The following SLC30A8 variants were observed in gnomAD, a reference collection of about 807,000 sequenced individuals.
SLC30A8 encodes solute carrier family 30 member 8.
In SLC30A8, 27 loss-of-function variants were observed where a neutral mutation model predicts 36.9. The observed-to-expected ratio is 0.73, with a 90% confidence interval of 0.54 to 1.01. SLC30A8 has a LOEUF of 1.01. Among genes scored for constraint, SLC30A8 ranks in the 50% least tolerant of loss-of-function variants. The probability of loss-of-function intolerance (pLI) is 0.00; values close to 1 mark genes in which losing one functional copy is unlikely to be tolerated. For synonymous variants in SLC30A8, 164 were observed against 172.4 expected (o/e 0.95, Z 0.38); for missense variants, 439 against 452.0 (o/e 0.97, Z 0.26).
At chr8:117,061,304 C>T (rs1414462586) in intron 2 of SLC30A8, among the ~76,000 whole-genome samples, 1 of 152,220 alleles carries the variant, frequency 6.6e-6, no homozygotes, top group Non-Finnish European at 1.5e-5. Flanking sequence ...CACACATACA[C>T]AGTGCATGTG....
chr8:117,111,347 T>A (rs1046056049), intron 2 of SLC30A8, among the ~76,000 whole-genome samples: 1 of 152,178 alleles, frequency 6.6e-6, no homozygotes, highest in Non-Finnish European at 1.5e-5. Flanking sequence ...GTTATCAGAA[T>A]TCAAACAAAA....
At chr8:117,135,434 T>C in intron 1 of SLC30A8, 36 bp downstream of exon 1, 2 of 1,515,876 alleles carry the variant, frequency 1.3e-6, no homozygotes, top group Non-Finnish European at 1.8e-6. Context: ...CAATTTTCTC[T>C]GTTGAATATC....
At chr8:117,157,510 A>G (rs1822556763) in intron 3 of SLC30A8, among the ~76,000 whole-genome samples, 181 bp from the exon 4 acceptor site, 1 of 152,342 alleles carries the variant, frequency 6.6e-6, no homozygotes, top group African/African-American at 2.4e-5. Context: ...TATGAATGCA[A>G]CATTAAAATA....
chr8:117,001,204 CTTTTTTTTTTTTT>C (rs34639384), intron 1 of SLC30A8, among the ~76,000 whole-genome samples: 23 of 78,316 alleles, frequency 2.9e-4, no homozygotes, highest in Non-Finnish European at 1.9e-4. Flanking sequence ...TTGCTAGGGG[CTTTTTTTTTTTTT>C]TTTTTTTTTG....
chr8:116,996,172 A>G (rs1815807511), intron 1 of SLC30A8, among the ~76,000 whole-genome samples: 1 of 152,166 alleles, frequency 6.6e-6, no homozygotes, highest in Non-Finnish European at 1.5e-5. Flanking sequence ...GGATTGTTCA[A>G]GTATTTTTAT....
chr8:116,969,786 AAAT>A (rs1814729858), intron 1 of SLC30A8, among the ~76,000 whole-genome samples: 1 of 152,188 alleles, frequency 6.6e-6, no homozygotes, highest in Non-Finnish European at 1.5e-5. Flanking sequence ...AAAAGATAAA[AAAT>A]GATATACCTG....
At chr8:117,105,234 C>T (rs1449899017) in intron 2 of SLC30A8, among the ~76,000 whole-genome samples, 1 of 152,108 alleles carries the variant, frequency 6.6e-6, no homozygotes, top group Non-Finnish European at 1.5e-5. Context: ...GGTTCAAACG[C>T]CTCTGACATT....
At chr8:117,170,555 T>G (rs2129763702) in intron 6 of SLC30A8, among the ~76,000 whole-genome samples, 1 of 152,328 alleles carries the variant, frequency 6.6e-6, no homozygotes, top group South Asian at 2.1e-4. Flanking sequence ...ATTTTCTGAA[T>G]TGCTCCTCAA....
intron 2 of SLC30A8, among the ~76,000 whole-genome samples, chr8:117,057,220 A>G (rs1390902713): frequency 6.6e-6 from 1 of 152,182 alleles, no homozygotes; most frequent in African/African-American, 2.4e-5. Context: ...CCCTGAGACC[A>G]TTTAAAAATA....
intron 1 of SLC30A8, among the ~76,000 whole-genome samples, chr8:117,004,604 T>C (rs2047963): frequency 0.45 from 67,918 of 151,932 alleles, 15,377 homozygotes; most frequent in Admixed American, 0.53. Context: ...GTCTACTTCA[T>C]GGTATTTCAT....
chr8:117,064,144 A>G (rs1467144234), intron 2 of SLC30A8, among the ~76,000 whole-genome samples: 2 of 152,098 alleles, frequency 1.3e-5, no homozygotes, highest in Admixed American at 6.5e-5. Context: ...GGTGCCTGCC[A>G]TCATGCCTGG....
chr8:117,078,013 G>T (rs560138052), intron 2 of SLC30A8, among the ~76,000 whole-genome samples: 1 of 152,254 alleles, frequency 6.6e-6, no homozygotes, highest in East Asian at 1.9e-4. Flanking sequence ...GAAGATTTAA[G>T]TCTGAATTTT....
At chr8:117,138,188 A>G (rs1214826012) in intron 1 of SLC30A8, among the ~76,000 whole-genome samples, 3 of 151,806 alleles carry the variant, frequency 2.0e-5, no homozygotes, top group South Asian at 2.1e-4. Flanking sequence ...TCCCCAAGCC[A>G]TATGTTGAAG....
chr8:116,990,337 A>C (rs4132473), intron 1 of SLC30A8, among the ~76,000 whole-genome samples: 54,191 of 151,968 alleles, frequency 0.36, 11,395 homozygotes, highest in Admixed American at 0.49. Context: ...ATAGCTCTAC[A>C]GTGGAGGAAT....
chr8:117,009,417 C>T (rs1476694252), intron 1 of SLC30A8, among the ~76,000 whole-genome samples: 1 of 152,216 alleles, frequency 6.6e-6, no homozygotes, highest in Non-Finnish European at 1.5e-5. Context: ...AATTGCCCTT[C>T]AAGAACTAGG....
At chr8:116,981,224 T>G (rs1005982081) in intron 1 of SLC30A8, among the ~76,000 whole-genome samples, 1 of 152,164 alleles carries the variant, frequency 6.6e-6, no homozygotes, top group Non-Finnish European at 1.5e-5. Context: ...ATGGTGACTT[T>G]GTGGTAGCTG....
intron 2 of SLC30A8, among the ~76,000 whole-genome samples, chr8:117,070,479 A>G (rs1818298611): frequency 6.6e-6 from 1 of 152,252 alleles, no homozygotes; most frequent in African/African-American, 2.4e-5. Context: ...CAACATCTCC[A>G]GAAACCCAGA....
At position 116,981,855 on chromosome 8, in the gene SLC30A8, G is replaced by A. The variant is rs527251477; in HGVS notation, c.-266+30736G>A. ...AGGTTGATTCTGTGTCTTTGCTATTGTGAATAGTGCTGTGATGAACATATG... is the reference window on the plus strand; with the variant it reads ...AGGTTGATTCTGTGTCTTTGCTATTATGAATAGTGCTGTGATGAACATATG... On this transcript the variant is annotated intron_variant, in intron 1 of 10. Transcript: ENST00000427715. Among the ~76,000 whole-genome samples the A allele has an allele frequency of 5.9e-5, 9 of 152,132 alleles. No homozygotes were observed. In the South Asian group the frequency reaches 1.9e-3, roughly 31 times the overall value.
chr8:117,046,061 G>A (rs2130764746), intron 2 of SLC30A8, among the ~76,000 whole-genome samples: 1 of 152,154 alleles, frequency 6.6e-6, no homozygotes, highest in East Asian at 1.9e-4. Flanking sequence ...CCTTAGGAAT[G>A]AGCAGGGGGA....
Sources: allele counts gnomAD v4.1 joint callset (sites outside exome capture counted in the v4.1 genomes callset), GRCh38; gene constraint gnomAD v4.1.1; transcripts MANE v1.5; gene names NCBI Gene and HGNC (gene_info 2026-07-23, HGNC 2026-07-21).